Variants in LRRC4C observed in about 807,000 individuals in gnomAD.
The protein encoded by LRRC4C is leucine-rich repeat-containing protein 4C.
A neutral mutation model predicts 33.6 loss-of-function variants in LRRC4C; 5 were observed. That is an observed-to-expected ratio of 0.15 (90% confidence interval 0.08 to 0.31). The LOEUF is 0.31. Among genes scored for constraint, LRRC4C ranks in the 10% least tolerant of loss-of-function variants. The pLI is 1.00. For missense variants in LRRC4C, 560 were observed against 796.7 expected (o/e 0.70, Z 3.58); for synonymous variants, 329 against 302.0 (o/e 1.09, Z -0.93).
intron 3 of LRRC4C, among the ~76,000 whole-genome samples, chr11:40,564,094 A>G (rs1957660830): frequency 6.6e-6 from 1 of 152,206 alleles, no homozygotes; most frequent in Non-Finnish European, 1.5e-5. Flanking sequence ...TGAATTTCAA[A>G]GGGTATTGAT....
At position 40,495,813 on chromosome 11, in the gene LRRC4C, G is replaced by GTTTTTTTTTTTTTTTTTTT. The variant is rs77683172; in HGVS notation, c.-270+152310_-270+152328dup. Among the ~76,000 whole-genome samples, 28 of 67,012 alleles carry GTTTTTTTTTTTTTTTTTTT rather than the reference G, an allele frequency of 4.2e-4. 6 individuals carry two copies. Among genetic ancestry groups the GTTTTTTTTTTTTTTTTTTT allele is most frequent in the African/African-American group, 7.6e-4 (12 of 15,812 alleles). The allele number at this position is 67,012 out of a possible 152,430, so 44.0% of individuals were successfully genotyped here. A position where few individuals can be genotyped will look rare whatever the true frequency, so the allele number is the denominator to read the frequency against. On this transcript the variant is annotated intron_variant, in intron 3 of 6. Coordinates refer to ENST00000528697, the MANE Select transcript of LRRC4C (RefSeq NM_001258419.2). Reference sequence around the variant, plus strand: ...TTTTATTGAAGTTCTCAATAAACATGTTTTTTTTTTTTTTTTTTTTTTTTT... The same window carrying GTTTTTTTTTTTTTTTTTTT: ...TTTTATTGAAGTTCTCAATAAACATGTTTTTTTTTTTTTTTTTTTTTTTTTTTTTTTTTTTTTTTTTTTT...
chr11:41,445,630 C>T (rs923645189), intron 1 of LRRC4C, among the ~76,000 whole-genome samples: 6 of 152,016 alleles, frequency 3.9e-5, no homozygotes, highest in Non-Finnish European at 8.8e-5. Context: ...GAATTCCCTA[C>T]CTATTGGTTG....
chr11:41,047,573 A>G (rs1195028390), intron 1 of LRRC4C, among the ~76,000 whole-genome samples: 1 of 152,144 alleles, frequency 6.6e-6, no homozygotes, highest in Non-Finnish European at 1.5e-5. Flanking sequence ...CCTCAAAGAG[A>G]AATAATTTAA....
rs531483712 is a variant in LRRC4C at position 41,443,923 on chromosome 11, G to A, written c.-496+15508C>T. Among the ~76,000 whole-genome samples the A allele has an allele frequency of 3.8e-4, 57 of 151,708 alleles. 1 individual carries two copies. The highest frequency in any genetic ancestry group is 2.2e-3 in the Admixed American group (34 of 15,218). On this transcript the variant is annotated intron_variant, in intron 1 of 6. Transcript: ENST00000528697. ...CAGGTGCGAGCCACTGCGCCCAGCC[G>A]GGAGCCTCAATTTCATATTACCTTT...
intron 4 of LRRC4C, among the ~76,000 whole-genome samples, chr11:40,249,646 C>G (rs1204121976): frequency 6.6e-6 from 1 of 151,158 alleles, no homozygotes; most frequent in African/African-American, 2.4e-5. Context: ...AAAGAATAAC[C>G]TTTACTGGGA....
intron 3 of LRRC4C, among the ~76,000 whole-genome samples, chr11:40,494,078 G>T (rs114085272): frequency 2.0e-5 from 3 of 152,026 alleles, no homozygotes; most frequent in African/African-American, 7.2e-5. Context: ...GAAGGCCAAG[G>T]CTTCTGTCAA....
At chr11:41,401,786 T>A (rs7113274) in intron 1 of LRRC4C, among the ~76,000 whole-genome samples, 1 of 152,006 alleles carries the variant, frequency 6.6e-6, no homozygotes, top group Non-Finnish European at 1.5e-5. Context: ...TTCTTGAGTG[T>A]CTATCATGTG....
chr11:41,112,896 G>C (rs949274302), intron 1 of LRRC4C, among the ~76,000 whole-genome samples: 4 of 151,854 alleles, frequency 2.6e-5, no homozygotes, highest in African/African-American at 9.7e-5. Context: ...ATATGAGTAG[G>C]TGTGTGTGTG....
intron 3 of LRRC4C, among the ~76,000 whole-genome samples, chr11:40,343,856 A>G (rs945777071): frequency 6.6e-6 from 1 of 152,120 alleles, no homozygotes; most frequent in African/African-American, 2.4e-5. Context: ...AAGGTCTCAG[A>G]GACTACTAAG....
chr11:40,310,981 C>T (rs1259294684), intron 4 of LRRC4C, among the ~76,000 whole-genome samples: 1 of 152,102 alleles, frequency 6.6e-6, no homozygotes, highest in East Asian at 1.9e-4. Context: ...GTTCTTAGTT[C>T]AAATTATAGT....
chr11:40,651,338 T>G (rs1404195700), intron 2 of LRRC4C, among the ~76,000 whole-genome samples: 4 of 149,982 alleles, frequency 2.7e-5, no homozygotes, highest in African/African-American at 9.9e-5. Flanking sequence ...TAGAACTAAT[T>G]AAAAAGAGAT....
chr11:40,162,681 GTAC>G (rs1353463618), intron 5 of LRRC4C, among the ~76,000 whole-genome samples: 1 of 152,150 alleles, frequency 6.6e-6, no homozygotes, highest in Admixed American at 6.5e-5. Flanking sequence ...TTAGGGCCAA[GTAC>G]TATAACAAAC....
chr11:40,185,215 T>TAG (rs1285029728), intron 5 of LRRC4C, among the ~76,000 whole-genome samples: 1 of 152,198 alleles, frequency 6.6e-6, no homozygotes, highest in Non-Finnish European at 1.5e-5. Flanking sequence ...CTTGTGTGTA[T>TAG]TCATTTATAA....
intron 1 of LRRC4C, among the ~76,000 whole-genome samples, chr11:41,321,764 G>C (rs2137277349): frequency 6.6e-6 from 1 of 152,244 alleles, no homozygotes; most frequent in East Asian, 1.9e-4. Context: ...AGAATAACCA[G>C]CTATTCCCAG....
intron 2 of LRRC4C, among the ~76,000 whole-genome samples, chr11:40,773,163 G>A (rs942939249): frequency 1.3e-5 from 2 of 152,146 alleles, no homozygotes; most frequent in African/African-American, 4.8e-5. Context: ...TTAAACTCAT[G>A]GAGATAAGAG....
chr11:41,336,449 AAAAATATC>A (rs1951457142), intron 1 of LRRC4C, among the ~76,000 whole-genome samples: 1 of 152,148 alleles, frequency 6.6e-6, no homozygotes, highest in African/African-American at 2.4e-5. Flanking sequence ...GGGGAAAAAA[AAAAATATC>A]GGGGGCCATA....
intron 3 of LRRC4C, among the ~76,000 whole-genome samples, chr11:40,531,567 A>C (rs1956273436): frequency 6.6e-6 from 1 of 152,152 alleles, no homozygotes; most frequent in Admixed American, 6.6e-5. Flanking sequence ...ACTTGGTTTC[A>C]GTTCTTTTCT....
rs142221654 is a variant in LRRC4C at position 41,423,589 on chromosome 11, G to A, written c.-496+35842C>T. ...AGATTATTCTGGAGACATCATAGAC[G>A]ACAGATGGTTTGAGAAAGAAATGGA... On this transcript the variant is annotated intron_variant, in intron 1 of 6. Coordinates refer to ENST00000528697, the MANE Select transcript of LRRC4C (RefSeq NM_001258419.2). Among the ~76,000 whole-genome samples, 707 of 152,054 alleles carry A rather than the reference G, an allele frequency of 4.6e-3. 4 individuals carry two copies. The highest frequency in any genetic ancestry group is 0.016 in the African/African-American group (664 of 41,494).
At chr11:41,012,060 T>A (rs999721757) in intron 1 of LRRC4C, among the ~76,000 whole-genome samples, 3 of 151,814 alleles carry the variant, frequency 2.0e-5, no homozygotes, top group Non-Finnish European at 4.4e-5. Context: ...TCATCATAAA[T>A]ATTCATACTT....
Sources: allele counts gnomAD v4.1 joint callset (sites outside exome capture counted in the v4.1 genomes callset), GRCh38; gene constraint gnomAD v4.1.1; transcripts MANE v1.5; gene names NCBI Gene and HGNC (gene_info 2026-07-23, HGNC 2026-07-21).